Variants in NAV3 observed in about 807,000 individuals in gnomAD.
The protein encoded by NAV3 is pore membrane and/or filament interacting like protein 1.
In NAV3, 87 loss-of-function variants were observed where a neutral mutation model predicts 244.7. The ratio of observed to expected loss-of-function variants is 0.36; its 90% CI spans 0.30 to 0.42. The LOEUF (loss-of-function observed/expected upper bound fraction) is 0.42, where lower values mean the gene tolerates loss of function less well. NAV3 is among the 20% of genes least tolerant of loss of function. The pLI, the probability that NAV3 is intolerant of heterozygous loss-of-function variation, is 1.00. For missense variants in NAV3, 2,663 were observed against 2,893.3 expected (o/e 0.92, Z 1.83); for synonymous variants, 1,126 against 1,042.2 (o/e 1.08, Z -1.55).
chr12:78,180,822 C>T (rs1437138927), intron 29 of NAV3, 49 bp from the exon 30 acceptor site: 4 of 1,488,962 alleles, frequency 2.7e-6, no homozygotes, highest in Non-Finnish European at 3.7e-6. Context: ...GTGCTATTTT[C>T]TCAATCAAAC....
At chr12:78,182,603 A>G (rs896637246) in intron 30 of NAV3, among the ~76,000 whole-genome samples, 1 of 152,032 alleles carries the variant, frequency 6.6e-6, no homozygotes, top group Admixed American at 6.6e-5. Context: ...ATAAAGATAA[A>G]TATAAAATCA....
chr12:77,817,659 C>T (rs1376245142), intron 2 of NAV3, among the ~76,000 whole-genome samples: 1 of 151,942 alleles, frequency 6.6e-6, no homozygotes, highest in Non-Finnish European at 1.5e-5. Flanking sequence ...GGTCATTTCA[C>T]TTTTATTATA....
intron 2 of NAV3, among the ~76,000 whole-genome samples, chr12:77,693,356 T>C (rs143145982): frequency 1.3e-5 from 2 of 152,104 alleles, no homozygotes; most frequent in African/African-American, 4.8e-5. Context: ...TAGGCCATGA[T>C]AAAACCTCAT....
intron 5 of NAV3, among the ~76,000 whole-genome samples, chr12:77,988,692 A>G (rs1351380455): frequency 6.6e-6 from 1 of 152,164 alleles, no homozygotes; most frequent in Admixed American, 6.5e-5. Flanking sequence ...ATTTCAGAAA[A>G]AAATGCACTC....
At chr12:77,743,091 C>A (rs577355548) in intron 2 of NAV3, among the ~76,000 whole-genome samples, 1 of 151,892 alleles carries the variant, frequency 6.6e-6, no homozygotes, top group African/African-American at 2.4e-5. Context: ...CCATTTCAGA[C>A]GGATGATTCA....
chr12:77,702,509 G>GTC (rs1310007193), intron 2 of NAV3, among the ~76,000 whole-genome samples: 1 of 151,856 alleles, frequency 6.6e-6, no homozygotes, highest in Non-Finnish European at 1.5e-5. Flanking sequence ...TTTGTCTTGT[G>GTC]TATTTTTTGT....
chr12:77,618,913 A>C (rs1298171213), intron 2 of NAV3, among the ~76,000 whole-genome samples: 1 of 152,322 alleles, frequency 6.6e-6, no homozygotes, highest in East Asian at 1.9e-4. Context: ...CAAAGGGCTT[A>C]TGTTTCTTTC....
chr12:78,150,631 TCACACACACACACACACA>T (rs34534100), intron 22 of NAV3, among the ~76,000 whole-genome samples: 4 of 144,330 alleles, frequency 2.8e-5, no homozygotes, highest in South Asian at 2.3e-4. Context: ...AAAAGCTTCC[TCACACACACACACACACA>T]CACACACACA....
chr12:77,821,223 A>T (rs1872732590), intron 2 of NAV3, among the ~76,000 whole-genome samples: 1 of 152,080 alleles, frequency 6.6e-6, no homozygotes, highest in African/African-American at 2.4e-5. Context: ...CCTAGAAAGG[A>T]TCTGGATGTT....
At chr12:77,705,936 T>C (rs1198821431) in intron 2 of NAV3, among the ~76,000 whole-genome samples, 1 of 151,558 alleles carries the variant, frequency 6.6e-6, no homozygotes, top group Non-Finnish European at 1.5e-5. Flanking sequence ...AATGTATTTC[T>C]TTCTTAAATT....
intron 1 of NAV3, among the ~76,000 whole-genome samples, chr12:77,902,478 T>C (rs1163628695): frequency 6.6e-6 from 1 of 152,194 alleles, no homozygotes; most frequent in Non-Finnish European, 1.5e-5. Flanking sequence ...ATTGAGACAA[T>C]CATGCGGTTT....
chr12:77,959,875 T>C (rs1891716551), intron 3 of NAV3, among the ~76,000 whole-genome samples: 1 of 141,236 alleles, frequency 7.1e-6, no homozygotes, highest in Non-Finnish European at 1.5e-5. Flanking sequence ...ATCAACATCT[T>C]TTCTACTCCA....
rs375192177 is a variant in NAV3 at position 78,179,540 on chromosome 12, G to T, written c.5375G>T (p.Cys1792Phe). The change falls in exon 29 of 40, where the codon TGC (cysteine) becomes TTC (phenylalanine). Residue 1792 changes from cysteine (C) to phenylalanine (F), a missense_variant. Cys to Phe is a radical substitution (Grantham distance 205). Coordinates refer to ENST00000397909, the MANE Select transcript of NAV3 (RefSeq NM_001024383.2). ...IYKHRSRICE[C>F]TEAEAEIILQ... The stretch of plus-strand genomic sequence containing the variant: ...GTTTCCTTCTTCAGGATCTGTGAAT[G>T]CACAGAAGCTGAGGCAGAGATAATT... The T allele has an allele frequency of 1.9e-6, 3 of 1,613,204 alleles. No homozygotes were observed. Among genetic ancestry groups the T allele is most frequent in the Non-Finnish European group, 2.5e-6 (3 of 1,179,444 alleles).
intron 2 of NAV3, among the ~76,000 whole-genome samples, chr12:77,646,942 G>C (rs1011832943): frequency 2.6e-5 from 4 of 152,002 alleles, no homozygotes; most frequent in Non-Finnish European, 5.9e-5. Context: ...CGAGCTTGCT[G>C]ATACTTGACT....
At chr12:78,096,477 A>G (rs1954256902) in intron 12 of NAV3, among the ~76,000 whole-genome samples, 1 of 152,146 alleles carries the variant, frequency 6.6e-6, no homozygotes, top group Non-Finnish European at 1.5e-5. Flanking sequence ...GAGACTGAGT[A>G]ATTTATGAAG....
intron 1 of NAV3, among the ~76,000 whole-genome samples, chr12:77,838,366 A>G (rs1875028879): frequency 6.6e-6 from 1 of 152,136 alleles, no homozygotes; most frequent in Non-Finnish European, 1.5e-5. Context: ...ATTATTGTCT[A>G]TTATTTTAGT....
intron 1 of NAV3, among the ~76,000 whole-genome samples, chr12:77,869,431 T>C (rs1880608228): frequency 1.3e-5 from 2 of 152,240 alleles, no homozygotes; most frequent in Admixed American, 1.3e-4. Flanking sequence ...TTGCCCACTA[T>C]AATTGCGCAT....
chr12:77,599,948 G>A (rs1161224732), intron 2 of NAV3, among the ~76,000 whole-genome samples: 2 of 151,916 alleles, frequency 1.3e-5, no homozygotes, highest in African/African-American at 4.8e-5. Flanking sequence ...TGAATAGAAA[G>A]TCAATTTGCA....
chr12:77,668,087 G>A (rs1222766005), intron 2 of NAV3, among the ~76,000 whole-genome samples: 2 of 152,166 alleles, frequency 1.3e-5, no homozygotes, highest in Non-Finnish European at 2.9e-5. Context: ...CTAGGGGAAA[G>A]GGGAGACCAC....
Sources: allele counts gnomAD v4.1 joint callset (sites outside exome capture counted in the v4.1 genomes callset), GRCh38; gene constraint gnomAD v4.1.1; transcripts MANE v1.5; gene names NCBI Gene and HGNC (gene_info 2026-07-23, HGNC 2026-07-21).